PTPRD: variants seen among roughly 807,000 people sequenced by gnomAD.
PTPRD encodes the protein receptor-type tyrosine-protein phosphatase delta.
In PTPRD, 34 loss-of-function variants were observed where a neutral mutation model predicts 214.5. The observed-to-expected ratio is 0.16, with a 90% CI of 0.12 to 0.21. The LOEUF is 0.21. Among genes scored for constraint, PTPRD ranks in the 10% least tolerant of loss-of-function variants. The probability of loss-of-function intolerance (pLI) is 1.00; values close to 1 mark genes in which losing one functional copy is unlikely to be tolerated. For missense variants in PTPRD, 2,545 were observed against 2,398.7 expected, an observed-to-expected ratio of 1.06 and a Z score of -1.27; for synonymous variants, 1,128 against 845.7, an observed-to-expected ratio of 1.33 and a Z score of -5.79.
At chr9:8,734,454 G>T (rs1458833751) in intron 11 of PTPRD, among the ~76,000 whole-genome samples, 1 of 152,210 alleles carries the variant, frequency 6.6e-6, no homozygotes, top group Non-Finnish European at 1.5e-5. Context: ...AATAGCAGAG[G>T]TTAGAATTTT....
chr9:9,929,066 T>C (rs1003034856), intron 5 of PTPRD, among the ~76,000 whole-genome samples: 5 of 152,156 alleles, frequency 3.3e-5, no homozygotes, highest in African/African-American at 9.7e-5. Flanking sequence ...GAGTAGATAA[T>C]TGAGCCTAAG....
At chr9:10,014,727 A>G (rs1294327313) in intron 4 of PTPRD, among the ~76,000 whole-genome samples, 1 of 152,080 alleles carries the variant, frequency 6.6e-6, no homozygotes, top group Admixed American at 6.6e-5. Flanking sequence ...GAACAAATGC[A>G]TATTTTTAAT....
chr9:9,178,135 C>A (rs549600748), intron 10 of PTPRD, among the ~76,000 whole-genome samples: 2 of 151,908 alleles, frequency 1.3e-5, no homozygotes, highest in South Asian at 4.2e-4. Flanking sequence ...TACAGCTACT[C>A]AATAATGAAA....
intron 34 of PTPRD, among the ~76,000 whole-genome samples, chr9:8,446,590 T>C (rs2095738056): frequency 6.6e-6 from 1 of 152,208 alleles, no homozygotes. Flanking sequence ...TGAAAGACAT[T>C]TTTTGAACAG....
intron 8 of PTPRD, among the ~76,000 whole-genome samples, chr9:9,435,076 T>A (rs4527938): frequency 0.37 from 55,889 of 151,728 alleles, 10,849 homozygotes; most frequent in Middle Eastern, 0.58. Context: ...ACTCTTTTAA[T>A]GTATTTCCTA....
intron 2 of PTPRD, among the ~76,000 whole-genome samples, chr9:10,448,618 C>T (rs1239504887): frequency 6.6e-6 from 1 of 151,994 alleles, no homozygotes; most frequent in Non-Finnish European, 1.5e-5. Flanking sequence ...GATTTGATCC[C>T]TTCTTCACTA....
intron 3 of PTPRD, among the ~76,000 whole-genome samples, chr9:10,231,657 C>G (rs1044126243): frequency 2.0e-5 from 3 of 151,898 alleles, no homozygotes; most frequent in African/African-American, 7.2e-5. Flanking sequence ...ATAGTAAGTG[C>G]TTAATAAATG....
intron 10 of PTPRD, among the ~76,000 whole-genome samples, chr9:9,072,157 A>T (rs1474951378): frequency 1.3e-5 from 2 of 152,170 alleles, no homozygotes; most frequent in Non-Finnish European, 2.9e-5. Flanking sequence ...ACAACATTTT[A>T]AAAACACCAG....
At chr9:10,162,262 C>G (rs34508794) in intron 3 of PTPRD, among the ~76,000 whole-genome samples, 14,975 of 151,130 alleles carry the variant, frequency 0.099, 892 homozygotes, top group Non-Finnish European at 0.14. Flanking sequence ...ACTGTAGCAC[C>G]CTTTACAAAA....
intron 5 of PTPRD, among the ~76,000 whole-genome samples, chr9:9,930,252 G>C (rs763538135): frequency 6.6e-6 from 1 of 152,068 alleles, no homozygotes; most frequent in Non-Finnish European, 1.5e-5. Flanking sequence ...GTGTGCCTTT[G>C]GTTAGAGTCA....
chr9:8,818,554 T>C (rs1479267204), intron 11 of PTPRD, among the ~76,000 whole-genome samples: 1 of 152,162 alleles, frequency 6.6e-6, no homozygotes, highest in Non-Finnish European at 1.5e-5. Context: ...TTTTACAGAT[T>C]AAAACACTGA....
At chr9:10,571,683 G>T (rs2067487014) in intron 2 of PTPRD, among the ~76,000 whole-genome samples, 1 of 152,046 alleles carries the variant, frequency 6.6e-6, no homozygotes, top group Non-Finnish European at 1.5e-5. Context: ...TCAGCACCAG[G>T]GACCACTTTC....
At chr9:9,761,093 G>A (rs144121131) in intron 6 of PTPRD, among the ~76,000 whole-genome samples, 30 of 152,238 alleles carry the variant, frequency 2.0e-4, no homozygotes, top group African/African-American at 6.7e-4. Context: ...ATAAAAACAC[G>A]TATACAAATG....
At chr9:9,219,010 G>A (rs1235328339) in intron 9 of PTPRD, among the ~76,000 whole-genome samples, 1 of 152,102 alleles carries the variant, frequency 6.6e-6, no homozygotes, top group Non-Finnish European at 1.5e-5. Flanking sequence ...ACAAGGAAAG[G>A]AAGGGGTACT....
chr9:9,500,101 T>C (rs2096357342), intron 8 of PTPRD, among the ~76,000 whole-genome samples: 1 of 152,136 alleles, frequency 6.6e-6, no homozygotes, highest in South Asian at 2.1e-4. Context: ...TTACTTTTCC[T>C]CCATTTCTCA....
intron 2 of PTPRD, among the ~76,000 whole-genome samples, chr9:10,378,873 A>G (rs2154481598): frequency 6.6e-6 from 1 of 152,118 alleles, no homozygotes; most frequent in Middle Eastern, 3.4e-3. Context: ...GTATTTTAAT[A>G]GGGATTGTAT....
intron 12 of PTPRD, among the ~76,000 whole-genome samples, chr9:8,701,871 T>C (rs2098092805): frequency 6.6e-6 from 1 of 152,166 alleles, no homozygotes; most frequent in Admixed American, 6.5e-5. Flanking sequence ...TATACCTATT[T>C]TCATACTTTA....
intron 8 of PTPRD, among the ~76,000 whole-genome samples, chr9:9,420,789 TA>T (rs545867066): frequency 1.0e-3 from 156 of 152,100 alleles, no homozygotes; most frequent in Non-Finnish European, 1.9e-3. Flanking sequence ...ATTAAATTAT[TA>T]AAAAACAGTA....
intron 3 of PTPRD, among the ~76,000 whole-genome samples, chr9:10,240,242 G>C (rs930749639): frequency 1.3e-5 from 2 of 151,832 alleles, no homozygotes; most frequent in African/African-American, 2.4e-5. Flanking sequence ...CTGTACCTTT[G>C]ATTCTTCCTT....
Sources: gnomAD v4.1 joint callset for allele counts (sites outside exome capture counted in the v4.1 genomes callset) on GRCh38, gnomAD v4.1.1 for gene constraint, MANE v1.5 for transcripts, NCBI Gene and HGNC (gene_info 2026-07-23, HGNC 2026-07-21) for gene names.